Variants in SOX5 observed in about 807,000 individuals in gnomAD.
SOX5 encodes the protein SRY-box transcription factor 5.
SOX5 carries 9 observed loss-of-function variants against 92.0 expected under a neutral mutation model. That is an observed-to-expected ratio of 0.10 (90% CI 0.06 to 0.17). SOX5 has a LOEUF of 0.17. Among genes scored for constraint, SOX5 ranks in the 10% least tolerant of loss-of-function variants. The pLI, the probability that SOX5 is intolerant of heterozygous loss-of-function variation, is 1.00. For synonymous variants in SOX5, 344 were observed against 336.3 expected (o/e 1.02, Z -0.25); for missense variants, 642 against 944.5 (o/e 0.68, Z 4.20).
chr12:24,167,242 G>A (rs1281940734), intron 4 of SOX5, among the ~76,000 whole-genome samples: 1 of 152,112 alleles, frequency 6.6e-6, no homozygotes, highest in East Asian at 1.9e-4. Flanking sequence ...AAATAAATTT[G>A]GGATGTGATA....
intron 4 of SOX5, among the ~76,000 whole-genome samples, chr12:24,154,240 A>G (rs1296882604): frequency 6.6e-6 from 1 of 152,168 alleles, no homozygotes; most frequent in Non-Finnish European, 1.5e-5. Flanking sequence ...CAATGGAAAC[A>G]TCTGTTATTG....
intron 6 of SOX5, among the ~76,000 whole-genome samples, chr12:23,690,183 G>T (rs1158893084): frequency 6.6e-6 from 1 of 152,120 alleles, no homozygotes; most frequent in Admixed American, 6.6e-5. Flanking sequence ...TTGGGAGGGG[G>T]AAGTATATTG....
chr12:24,004,498 T>TA (rs1951945117), intron 4 of SOX5, among the ~76,000 whole-genome samples: 1 of 152,066 alleles, frequency 6.6e-6, no homozygotes, highest in Non-Finnish European at 1.5e-5. Flanking sequence ...AAGGAATAGC[T>TA]ATATACATAT....
chr12:23,800,108 A>G (rs1353308805), intron 3 of SOX5, among the ~76,000 whole-genome samples: 1 of 152,072 alleles, frequency 6.6e-6, no homozygotes, highest in Non-Finnish European at 1.5e-5. Context: ...GAGTCAGTCA[A>G]ACACAGCCCA....
chr12:23,610,283 A>G (rs2075788176), intron 8 of SOX5, among the ~76,000 whole-genome samples: 2 of 152,062 alleles, frequency 1.3e-5, no homozygotes, highest in South Asian at 4.1e-4. Context: ...CTTTTCAATA[A>G]TAGGTTACTT....
chr12:24,277,946 T>C (rs1269328241), intron 2 of SOX5, among the ~76,000 whole-genome samples: 1 of 152,162 alleles, frequency 6.6e-6, no homozygotes, highest in Admixed American at 6.6e-5. Context: ...CAGAAAGTGC[T>C]CTTGCCACTA....
intron 4 of SOX5, among the ~76,000 whole-genome samples, chr12:24,105,169 A>C (rs2138040315): frequency 6.6e-6 from 1 of 152,316 alleles, no homozygotes; most frequent in East Asian, 1.9e-4. Flanking sequence ...TTGCCCCTAA[A>C]GCACATTTGT....
intron 1 of SOX5, among the ~76,000 whole-genome samples, chr12:23,897,425 T>C (rs2097188540): frequency 6.6e-6 from 1 of 152,188 alleles, no homozygotes. Context: ...TGTCACTTAC[T>C]AGCTGAGACT....
chr12:23,745,818 T>A (rs1050535401), intron 4 of SOX5, among the ~76,000 whole-genome samples: 1 of 152,176 alleles, frequency 6.6e-6, no homozygotes, highest in Non-Finnish European at 1.5e-5. Context: ...TATTATCTTA[T>A]GTTCACATTT....
chr12:24,446,146 A>T (rs1396050737), intron 1 of SOX5, among the ~76,000 whole-genome samples: 2 of 152,178 alleles, frequency 1.3e-5, no homozygotes, highest in Non-Finnish European at 2.9e-5. Context: ...GAGAGATAAG[A>T]CCCTACCTAC....
chr12:23,813,028 T>A (rs1026845710), intron 3 of SOX5, among the ~76,000 whole-genome samples: 1 of 152,158 alleles, frequency 6.6e-6, no homozygotes, highest in East Asian at 1.9e-4. Flanking sequence ...AAATCACACA[T>A]TTTCAGAAAA....
intron 2 of SOX5, among the ~76,000 whole-genome samples, chr12:24,304,165 G>T (rs1948312419): frequency 6.6e-6 from 1 of 152,202 alleles, no homozygotes; most frequent in Admixed American, 6.5e-5. Flanking sequence ...AAGGAAGAAG[G>T]TTTTGACAGG....
chr12:23,609,088 G>A (rs1490335096), intron 8 of SOX5, among the ~76,000 whole-genome samples: 1 of 152,098 alleles, frequency 6.6e-6, no homozygotes, highest in Non-Finnish European at 1.5e-5. Context: ...AAAGGAGATG[G>A]CATTCTAGGA....
intron 4 of SOX5, among the ~76,000 whole-genome samples, chr12:24,041,418 A>C (rs71450407): frequency 0.1 from 15,608 of 152,248 alleles, 1,096 homozygotes; most frequent in Non-Finnish European, 0.16. Flanking sequence ...CAGGAGACAG[A>C]CAGAGGGATC....
chr12:24,159,267 A>C (rs1487777334), intron 4 of SOX5, among the ~76,000 whole-genome samples: 1 of 151,960 alleles, frequency 6.6e-6, no homozygotes, highest in Non-Finnish European at 1.5e-5. Flanking sequence ...GTGTCAGGCT[A>C]AATTCAAGGC....
chr12:23,880,161 A>T (rs1184542767), intron 2 of SOX5, among the ~76,000 whole-genome samples: 1 of 152,188 alleles, frequency 6.6e-6, no homozygotes, highest in African/African-American at 2.4e-5. Flanking sequence ...CACTCTCCCA[A>T]GAACAATATG....
intron 3 of SOX5, among the ~76,000 whole-genome samples, chr12:24,235,624 C>T (rs138867850): frequency 3.3e-5 from 5 of 152,188 alleles, no homozygotes; most frequent in Admixed American, 6.5e-5. Context: ...AAGGGCAAAA[C>T]GTTTATCTTC....
intron 1 of SOX5, among the ~76,000 whole-genome samples, chr12:24,435,694 T>C (rs1444095012): frequency 6.6e-6 from 1 of 152,182 alleles, no homozygotes; most frequent in Non-Finnish European, 1.5e-5. Context: ...CAATGAATAA[T>C]ACACAAGCCA....
chr12:23,665,242 A>G (rs1285652084), intron 7 of SOX5, among the ~76,000 whole-genome samples: 4 of 148,950 alleles, frequency 2.7e-5, no homozygotes, highest in Non-Finnish European at 5.9e-5. Context: ...TTGAATTATA[A>G]AGAATATTGG....
Sources: allele counts gnomAD v4.1 joint callset (sites outside exome capture counted in the v4.1 genomes callset), GRCh38; gene constraint gnomAD v4.1.1; transcripts MANE v1.5; gene names NCBI Gene and HGNC (gene_info 2026-07-23, HGNC 2026-07-21).